The following TFEC variants were observed in gnomAD, a reference collection of about 807,000 sequenced individuals.
TFEC encodes the protein transcription factor EC.
In TFEC, 31 loss-of-function variants were observed where a neutral mutation model predicts 41.6. That is an observed-to-expected ratio of 0.74 (90% CI 0.56 to 1.01). TFEC has a LOEUF of 1.01. Among genes scored for constraint, TFEC ranks in the 50% least tolerant of loss-of-function variants. TFEC has a pLI of 0.00. For missense variants in TFEC, 402 were observed against 404.1 expected, an observed-to-expected ratio of 0.99 and a Z score of 0.04; for synonymous variants, 143 against 140.6, an observed-to-expected ratio of 1.02 and a Z score of -0.12.
intron 1 of TFEC, among the ~76,000 whole-genome samples, chr7:116,029,489 G>A (rs1030699879): frequency 2.0e-5 from 3 of 152,088 alleles, no homozygotes; most frequent in African/African-American, 7.2e-5. Context: ...AAAGAATCAT[G>A]AAGGTTATTT....
At chr7:115,990,729 T>A (rs1406831207) in intron 1 of TFEC, among the ~76,000 whole-genome samples, 2 of 152,144 alleles carry the variant, frequency 1.3e-5, no homozygotes, top group Non-Finnish European at 2.9e-5. Context: ...TATGGGACTA[T>A]GTAAAAAGAC....
At chr7:116,107,171 C>G (rs73462572) in intron 3 of TFEC, among the ~76,000 whole-genome samples, 4,339 of 152,226 alleles carry the variant, frequency 0.029, 224 homozygotes, top group African/African-American at 0.099. Flanking sequence ...ATCATAATGA[C>G]CTGTGTTATA....
intron 3 of TFEC, among the ~76,000 whole-genome samples, chr7:116,063,366 C>T (rs1260543337): frequency 6.6e-6 from 1 of 152,108 alleles, no homozygotes; most frequent in Non-Finnish European, 1.5e-5. Flanking sequence ...CCTGTAATCC[C>T]AGCACTTTGA....
At chr7:116,046,815 A>G (rs1796176770) in intron 3 of TFEC, among the ~76,000 whole-genome samples, 1 of 152,212 alleles carries the variant, frequency 6.6e-6, no homozygotes, top group African/African-American at 2.4e-5. Context: ...ATATACAAAA[A>G]TGGGCAAAAT....
At chr7:116,086,774 T>C (rs1214418836) in intron 3 of TFEC, among the ~76,000 whole-genome samples, 1 of 151,954 alleles carries the variant, frequency 6.6e-6, no homozygotes, top group Non-Finnish European at 1.5e-5. Context: ...TTAAAACTCT[T>C]TTCCACTATT....
intron 1 of TFEC, among the ~76,000 whole-genome samples, chr7:116,005,061 G>A (rs746441112): frequency 1.6e-4 from 25 of 152,284 alleles, no homozygotes; most frequent in Non-Finnish European, 3.5e-4. Flanking sequence ...CACTATGATT[G>A]TGAGGCCTCC....
At chr7:116,124,225 T>C (rs942730133) in intron 1 of TFEC, among the ~76,000 whole-genome samples, 5 of 152,118 alleles carry the variant, frequency 3.3e-5, no homozygotes, top group South Asian at 4.1e-4. Flanking sequence ...TGGAATATAG[T>C]TACTTTGGGT....
chr7:116,092,360 T>C lies in TFEC; in HGVS notation c.198+18348A>G, dbSNP rs139124967. ...CCTGAAGACTCCATTTGATTAGCTG[T>C]AATAGGACTGTAACACTGCTTTGGA... On this transcript the variant is annotated intron_variant, in intron 3 of 8. Coordinates refer to the TFEC transcript ENST00000484212. 1.9e-3 allele frequency among the ~76,000 whole-genome samples: 285 copies of C among 152,316 alleles called. 2 individuals are homozygous for C. The highest frequency in any genetic ancestry group is 6.5e-3 in the African/African-American group (270 of 41,592).
intron 1 of TFEC, among the ~76,000 whole-genome samples, chr7:116,008,318 T>C (rs1794876744): frequency 6.6e-6 from 1 of 152,174 alleles, no homozygotes; most frequent in African/African-American, 2.4e-5. Flanking sequence ...TCTAAGTAAT[T>C]ACCTGGTGAT....
chr7:115,944,691 A>G (rs1791427528), intron 6 of TFEC, among the ~76,000 whole-genome samples: 1 of 151,630 alleles, frequency 6.6e-6, no homozygotes, highest in Non-Finnish European at 1.5e-5. Context: ...TTGCTGCTAT[A>G]TGCCCAAGAG....
intron 3 of TFEC, among the ~76,000 whole-genome samples, chr7:116,069,083 A>G (rs1325211044): frequency 1.3e-5 from 2 of 151,710 alleles, no homozygotes; most frequent in Admixed American, 6.6e-5. Flanking sequence ...TTGAACTGTC[A>G]TATATAGAAA....
intron 3 of TFEC, among the ~76,000 whole-genome samples, chr7:116,048,417 G>C (rs891745999): frequency 5.9e-5 from 9 of 152,214 alleles, no homozygotes; most frequent in African/African-American, 2.2e-4. Flanking sequence ...GAAGCAACAA[G>C]AGAAGCTTAG....
chr7:116,150,583 A>G (rs1798740901), intron 1 of TFEC, among the ~76,000 whole-genome samples: 1 of 152,046 alleles, frequency 6.6e-6, no homozygotes, highest in African/African-American at 2.4e-5. Flanking sequence ...TCACACGGTT[A>G]TATATCACAT....
chr7:115,967,073 T>C (rs1020565144), intron 3 of TFEC, among the ~76,000 whole-genome samples: 1 of 151,738 alleles, frequency 6.6e-6, no homozygotes, highest in Non-Finnish European at 1.5e-5. Context: ...ATCTTTGGCA[T>C]ATATATGTGT....
At position 115,939,608 on chromosome 7, in the gene TFEC, A is replaced by AC. The variant is rs1451739140; in HGVS notation, c.*942dup. ...CCAATACTGATGAAAAGTTTTAAGT[A>AC]CCTGAAAACTGTCCTTGCAGGGGGA... On this transcript the variant is annotated 3_prime_UTR_variant, in exon 8 of 8. Coordinates refer to ENST00000265440, the MANE Select transcript of TFEC (RefSeq NM_012252.4). 2.0e-5 allele frequency: 3 copies of AC among 152,072 alleles called. No individual in the cohort carries two copies. Among genetic ancestry groups the AC allele is most frequent in the Non-Finnish European group, 2.9e-5 (2 of 67,964 alleles). The allele number at this position is 152,072 out of a possible 1,614,324, so 9.4% of individuals were successfully genotyped here.
intron 6 of TFEC, among the ~76,000 whole-genome samples, chr7:115,943,184 T>C (rs1793593246): frequency 6.6e-6 from 1 of 151,958 alleles, no homozygotes; most frequent in Non-Finnish European, 1.5e-5. Context: ...TTGTCATTTC[T>C]TTAAGGCTAT....
chr7:116,056,487 A>G (rs1796433617), intron 3 of TFEC, among the ~76,000 whole-genome samples: 1 of 152,186 alleles, frequency 6.6e-6, no homozygotes, highest in Admixed American at 6.6e-5. Flanking sequence ...CAAAATGACT[A>G]GAGGTGACAG....
intron 2 of TFEC, among the ~76,000 whole-genome samples, chr7:115,980,087 C>T (rs562730701): frequency 1.3e-5 from 2 of 152,136 alleles, no homozygotes; most frequent in Non-Finnish European, 2.9e-5. Flanking sequence ...TTCTTTCTTA[C>T]TAATGTTTTT....
chr7:115,991,178 A>AG (rs1470574537), intron 1 of TFEC, among the ~76,000 whole-genome samples: 2 of 152,226 alleles, frequency 1.3e-5, no homozygotes, highest in Non-Finnish European at 2.9e-5. Flanking sequence ...GCAAATGCTG[A>AG]AGATTTTGTC....
Sources: gnomAD v4.1 joint callset for allele counts (sites outside exome capture counted in the v4.1 genomes callset) on GRCh38, gnomAD v4.1.1 for gene constraint, MANE v1.5 for transcripts, NCBI Gene and HGNC (gene_info 2026-07-23, HGNC 2026-07-21) for gene names.